ELK3: variants seen among roughly 807,000 people sequenced by gnomAD.
ELK3 encodes ETS domain-containing protein Elk-3.
Under a neutral mutation model 28.9 loss-of-function variants are expected in ELK3, and 10 were observed. The ratio of observed to expected loss-of-function variants is 0.35; its 90% CI spans 0.21 to 0.59. The LOEUF is 0.59. Ranked by LOEUF, ELK3 falls within the 20% of genes least tolerant of loss-of-function variation. The probability of loss-of-function intolerance (pLI) is 0.82; values close to 1 mark genes in which losing one functional copy is unlikely to be tolerated. For synonymous variants in ELK3, 272 were observed against 243.5 expected (o/e 1.12, Z -1.09); for missense variants, 463 against 517.3 (o/e 0.90, Z 1.02).
chr12:96,251,510 T>C (rs998065415), intron 3 of ELK3, among the ~76,000 whole-genome samples: 3 of 152,196 alleles, frequency 2.0e-5, no homozygotes, highest in Admixed American at 6.5e-5. Context: ...GGTGAAGGCA[T>C]GTCCAAAACC....
At chr12:96,198,835 T>C (rs144803381) in intron 1 of ELK3, among the ~76,000 whole-genome samples, 300 of 152,360 alleles carry the variant, frequency 2.0e-3, no homozygotes, top group Non-Finnish European at 3.0e-3. Context: ...GAAAGCACAC[T>C]GTACTTACTG....
chr12:96,213,671 T>C (rs1273259403), intron 1 of ELK3: 1 of 152,180 alleles, frequency 6.6e-6, no homozygotes, highest in Non-Finnish European at 1.5e-5. Context: ...CACAGTAAAT[T>C]GCATATGTTG....
intron 2 of ELK3, among the ~76,000 whole-genome samples, chr12:96,238,809 G>T (rs931009455): frequency 2.0e-5 from 3 of 152,170 alleles, no homozygotes; most frequent in African/African-American, 7.2e-5. Context: ...CTCAAGCAAG[G>T]CCCATGCTTT....
chr12:96,233,924 C>T (rs1003418899), intron 2 of ELK3, among the ~76,000 whole-genome samples: 1 of 152,214 alleles, frequency 6.6e-6, no homozygotes, highest in East Asian at 1.9e-4. Context: ...CCTACCATAG[C>T]AGCTATTCAG....
chr12:96,195,563 T>A (rs1197962559), intron 1 of ELK3, among the ~76,000 whole-genome samples: 3 of 152,160 alleles, frequency 2.0e-5, no homozygotes, highest in Admixed American at 2.0e-4. Context: ...TTATCTTTTC[T>A]GAACCGAATC....
At chr12:96,210,597 A>ACCC (rs1555193042) in intron 1 of ELK3, among the ~76,000 whole-genome samples, 2 of 148,958 alleles carry the variant, frequency 1.3e-5, no homozygotes, top group African/African-American at 2.5e-5. Flanking sequence ...ACACACACAC[A>ACCC]CCCCGAGTGG....
intron 2 of ELK3, among the ~76,000 whole-genome samples, chr12:96,227,656 T>C (rs931249043): frequency 4.2e-5 from 3 of 70,872 alleles, no homozygotes; most frequent in Admixed American, 1.7e-4. Context: ...TGCGGTCAGG[T>C]TGGGGCTGAG....
chr12:96,219,171 CCA>C (rs1289878836), intron 1 of ELK3, among the ~76,000 whole-genome samples: 1 of 152,118 alleles, frequency 6.6e-6, no homozygotes, highest in Non-Finnish European at 1.5e-5. Context: ...TTAATAAAAG[CCA>C]CAGTGTACTG....
At chr12:96,237,063 T>A (rs1295893445) in intron 2 of ELK3, among the ~76,000 whole-genome samples, 1 of 152,202 alleles carries the variant, frequency 6.6e-6, no homozygotes, top group Admixed American at 6.5e-5. Flanking sequence ...AGCCATTGAT[T>A]TCAGTGCCTA....
At chr12:96,264,778 G>C (rs1261687423) in intron 4 of ELK3, among the ~76,000 whole-genome samples, 2 of 152,108 alleles carry the variant, frequency 1.3e-5, no homozygotes, top group Admixed American at 6.5e-5. Context: ...GAGTGATCCT[G>C]TCTGAAAAAA....
chr12:96,221,991 C>CCAGGTT (rs1951665326), intron 1 of ELK3, among the ~76,000 whole-genome samples: 1 of 152,088 alleles, frequency 6.6e-6, no homozygotes, highest in Non-Finnish European at 1.5e-5. Flanking sequence ...TGCGGTCACT[C>CCAGGTT]CAGGTTCAGT....
chr12:96,247,677 C>T lies in ELK3; in HGVS notation c.945C>T (p.Ala315=), dbSNP rs1951869595. The stretch of plus-strand genomic sequence containing the variant: ...CCGGCACCGACATCGGCTCCATCGC[C>T]CTCAACAGCCCAGCCCTCCCCTCGG... ...VLSGTDIGSI[A]LNSPALPSGS... is the part of the protein sequence containing the mutation. The change falls in exon 3 of 5, where the codon GCC becomes GCT. Residue 315 remains alanine, a synonymous_variant. Coordinates refer to ENST00000228741, the MANE Select transcript of ELK3 (RefSeq NM_005230.4). This position sits in a 1 kb window ranked among gnomAD's most constrained non-coding sequence, Gnocchi z 5.5. 1 of 1,611,562 alleles carries T rather than the reference C, an allele frequency of 6.2e-7. No homozygotes were observed. Among genetic ancestry groups the T allele is most frequent in the Admixed American group, 1.7e-5 (1 of 59,804 alleles).
At position 96,259,847 on chromosome 12, in the gene ELK3, G is replaced by A; in HGVS notation, c.1119G>A (p.Leu373=). 2 of 1,596,040 alleles carry A rather than the reference G, an allele frequency of 1.3e-6. No homozygotes were observed. The highest frequency in any genetic ancestry group is 1.7e-6 in the Non-Finnish European group (2 of 1,172,840). Residue 373 remains leucine (L), a synonymous_variant, in exon 4 of 5, where the codon CTG becomes CTA. Coordinates refer to ENST00000228741, the MANE Select transcript of ELK3 (RefSeq NM_005230.4). ...CCAGGCTGCAAGGGCCAAGCACGCT[G>A]TTCCAGGTGAGCGTTTGGAAATGAA... ...SPARLQGPST[L]FQFPTLLNGH...
chr12:96,214,953 A>G (rs1951600911), intron 1 of ELK3, among the ~76,000 whole-genome samples: 1 of 152,218 alleles, frequency 6.6e-6, no homozygotes, highest in South Asian at 2.1e-4. Context: ...AGTTGAACTC[A>G]GCAGAATTTT....
chr12:96,223,720 A>G lies in ELK3; in HGVS notation c.154A>G (p.Thr52Ala). 1 of 1,614,152 alleles carries G rather than the reference A, an allele frequency of 6.2e-7. No homozygotes were observed. ...AKLWGLRKNK[T>A]NMNYDKLSRA... The stretch of plus-strand genomic sequence containing the variant: ...GCTGTGGGGACTCCGAAAAAACAAA[A>G]CAAATATGAACTATGATAAGCTGAG... Residue 52 changes from threonine (T) to alanine (A), a missense_variant, in exon 2 of 5, where the codon ACA becomes GCA. Physicochemically the swap from Thr to Ala is moderately conservative, Grantham distance 58. Around this residue, in one of 2 missense-constraint regions of ELK3, gnomAD observed 55 missense variants for 102.5 expected, o/e 0.54. Coordinates refer to ENST00000228741, the MANE Select transcript of ELK3 (RefSeq NM_005230.4).
intron 3 of ELK3, among the ~76,000 whole-genome samples, chr12:96,255,707 G>T (rs1044778444): frequency 2.6e-5 from 4 of 152,258 alleles, no homozygotes; most frequent in East Asian, 1.9e-4. Flanking sequence ...GGTACAGTTT[G>T]GTTTTATATA....
chr12:96,222,657 C>G (rs76304545), intron 1 of ELK3: 6,153 of 152,294 alleles, frequency 0.04, 408 homozygotes, highest in East Asian at 0.3. Flanking sequence ...AAGGCAGTTA[C>G]ACTTAGACAT....
chr12:96,250,835 G>A (rs996482409), intron 3 of ELK3, among the ~76,000 whole-genome samples: 1 of 152,146 alleles, frequency 6.6e-6, no homozygotes, highest in Non-Finnish European at 1.5e-5. Context: ...AGCTGTGTGT[G>A]CTGTAATAAC....
At chr12:96,227,319 C>T (rs965258110) in intron 2 of ELK3, among the ~76,000 whole-genome samples, 4 of 152,210 alleles carry the variant, frequency 2.6e-5, no homozygotes, top group South Asian at 2.1e-4. Context: ...CTGCTGAACT[C>T]GGCAGCTGCG....
Sources: gnomAD v4.1 joint callset for allele counts (sites outside exome capture counted in the v4.1 genomes callset) on GRCh38, gnomAD v4.1.1 for gene constraint, gnomAD v4.1.1 regional missense constraint, Gnocchi (gnomAD v3.1) non-coding constraint, MANE v1.5 for transcripts, NCBI Gene and HGNC (gene_info 2026-07-23, HGNC 2026-07-21) for gene names.